STAG1: variants seen among roughly 807,000 people sequenced by gnomAD.
STAG1 encodes cohesin subunit SA-1.
In STAG1, 26 loss-of-function variants were observed where a neutral mutation model predicts 170.9. That is an observed-to-expected ratio of 0.15 (90% CI 0.11 to 0.21). The LOEUF (loss-of-function observed/expected upper bound fraction) is 0.21. Among genes scored for constraint, STAG1 ranks in the 10% least tolerant of loss-of-function variants. STAG1 has a pLI of 1.00. For missense variants in STAG1, 964 were observed against 1,509.5 expected, an observed-to-expected ratio of 0.64 and a Z score of 5.99; for synonymous variants, 514 against 497.7, an observed-to-expected ratio of 1.03 and a Z score of -0.44.
intron 14 of STAG1, among the ~76,000 whole-genome samples, chr3:136,445,473 T>C (rs1341171026): frequency 1.3e-5 from 2 of 152,210 alleles, no homozygotes; most frequent in Non-Finnish European, 2.9e-5. Flanking sequence ...TAAAGAGCTT[T>C]ATTTTAAGCT....
chr3:136,411,407 G>A (rs1008648265), intron 21 of STAG1, among the ~76,000 whole-genome samples: 1 of 151,972 alleles, frequency 6.6e-6, no homozygotes, highest in African/African-American at 2.4e-5. Flanking sequence ...ACAGAAAATA[G>A]GAACAAAGTC....
At chr3:136,530,737 C>T (rs1222179356) in intron 6 of STAG1, among the ~76,000 whole-genome samples, 1 of 152,096 alleles carries the variant, frequency 6.6e-6, no homozygotes, top group Non-Finnish European at 1.5e-5. Flanking sequence ...ACACAACATA[C>T]CAAAACCTGT....
intron 6 of STAG1, among the ~76,000 whole-genome samples, chr3:136,525,628 T>C (rs1021178491): frequency 5.9e-5 from 9 of 152,142 alleles, no homozygotes; most frequent in East Asian, 3.9e-4. Flanking sequence ...TATTTCTTGC[T>C]TTCTGCTAGC....
chr3:136,514,251 G>C (rs967933094), intron 7 of STAG1, among the ~76,000 whole-genome samples: 10 of 152,086 alleles, frequency 6.6e-5, no homozygotes, highest in African/African-American at 9.7e-5. Context: ...AAAATCACAA[G>C]GATATGAACA....
chr3:136,477,509 T>G (rs539300423), intron 9 of STAG1, 97 bp from the exon 10 acceptor site: 1 of 1,124,912 alleles, frequency 8.9e-7, no homozygotes, highest in Non-Finnish European at 1.2e-6. Flanking sequence ...CTAATGCTGT[T>G]TGTATATATT....
At chr3:136,578,186 T>TA (rs1466644278) in intron 4 of STAG1, among the ~76,000 whole-genome samples, 1 of 152,162 alleles carries the variant, frequency 6.6e-6, no homozygotes, top group African/African-American at 2.4e-5. Context: ...ATGTGGTCAT[T>TA]AAGAGATTTC....
chr3:136,465,223 T>A (rs938937137), intron 12 of STAG1, among the ~76,000 whole-genome samples: 10 of 43,436 alleles, frequency 2.3e-4, no homozygotes, highest in African/African-American at 8.1e-4. Context: ...CTTCTACAGC[T>A]TTTTTTTTTT....
intron 14 of STAG1, among the ~76,000 whole-genome samples, chr3:136,449,093 T>C (rs902639512): frequency 6.6e-6 from 1 of 152,196 alleles, no homozygotes; most frequent in African/African-American, 2.4e-5. Flanking sequence ...TATGGCTTCA[T>C]TAAGCATTCA....
intron 13 of STAG1, among the ~76,000 whole-genome samples, chr3:136,454,187 T>C (rs1439658955): frequency 6.6e-6 from 1 of 152,172 alleles, no homozygotes; most frequent in African/African-American, 2.4e-5. Context: ...CAAGCGATTC[T>C]CATGCCTCAG....
At chr3:136,588,239 C>T (rs1937941736) in intron 4 of STAG1, among the ~76,000 whole-genome samples, 1 of 152,092 alleles carries the variant, frequency 6.6e-6, no homozygotes, top group African/African-American at 2.4e-5. Context: ...GTTATCAGAA[C>T]TTATTAACAT....
chr3:136,537,650 A>G (rs935940175), intron 6 of STAG1, among the ~76,000 whole-genome samples: 1 of 151,558 alleles, frequency 6.6e-6, no homozygotes, highest in African/African-American at 2.4e-5. Context: ...ACAGGCATGT[A>G]CCACCACGCT....
At chr3:136,592,502 G>C (rs1205801103) in intron 4 of STAG1, among the ~76,000 whole-genome samples, 1 of 152,106 alleles carries the variant, frequency 6.6e-6, no homozygotes, top group African/African-American at 2.4e-5. Context: ...AAATTACCCA[G>C]TCTCAGGTAT....
intron 1 of STAG1, among the ~76,000 whole-genome samples, chr3:136,649,443 T>TA (rs1472106114): frequency 1.4e-5 from 2 of 140,698 alleles, no homozygotes; most frequent in Non-Finnish European, 3.0e-5. Context: ...GGCGCCACTG[T>TA]ACTCCAGCCT....
chr3:136,527,572 A>T (rs781775227), intron 6 of STAG1, among the ~76,000 whole-genome samples: 1 of 152,060 alleles, frequency 6.6e-6, no homozygotes, highest in Admixed American at 6.6e-5. Context: ...TGATCCTCTG[A>T]AGCCTCCTTC....
chr3:136,362,449 A>C (rs1238991306), intron 26 of STAG1, among the ~76,000 whole-genome samples: 1 of 151,526 alleles, frequency 6.6e-6, no homozygotes, highest in Admixed American at 6.6e-5. Context: ...TGATTGATGT[A>C]TACATCTATT....
At chr3:136,568,995 T>G (rs1463871499) in intron 4 of STAG1, 134 bp from the exon 5 acceptor site, 1 of 627,134 alleles carries the variant, frequency 1.6e-6, no homozygotes, top group African/African-American at 1.9e-5. Flanking sequence ...ATTATTTCTC[T>G]GTAGCCTAAT....
intron 1 of STAG1, among the ~76,000 whole-genome samples, chr3:136,713,054 T>C (rs1397226033): frequency 6.6e-6 from 1 of 152,068 alleles, no homozygotes; most frequent in Non-Finnish European, 1.5e-5. Context: ...ATTGCGCCAC[T>C]GCACTCCAGG....
At chr3:136,702,131 CAGAGAGACAGAG>C (rs1559960371) in intron 1 of STAG1, among the ~76,000 whole-genome samples, 5 of 89,606 alleles carry the variant, frequency 5.6e-5, no homozygotes, top group Non-Finnish European at 1.1e-4. Flanking sequence ...GACAGAGAGA[CAGAGAGACAGAG>C]AGACAGAGAG....
At chr3:136,702,215 C>A (rs988302438) in intron 1 of STAG1, among the ~76,000 whole-genome samples, 6 of 151,966 alleles carry the variant, frequency 3.9e-5, no homozygotes, top group South Asian at 4.1e-4. Flanking sequence ...TCAGCCCAGG[C>A]TGGTCTTGAA....
Sources: gnomAD v4.1 joint callset for allele counts (sites outside exome capture counted in the v4.1 genomes callset) on GRCh38, gnomAD v4.1.1 for gene constraint, MANE v1.5 for transcripts, NCBI Gene and HGNC (gene_info 2026-07-23, HGNC 2026-07-21) for gene names.